CCDC32: variants seen among roughly 807,000 people sequenced by gnomAD.
CCDC32 encodes the protein coiled-coil domain containing 32.
CCDC32 carries 9 observed loss-of-function variants against 20.1 expected under a neutral mutation model. That is an observed-to-expected ratio of 0.45 (90% confidence interval 0.27 to 0.78). The LOEUF is 0.78. CCDC32 is among the 30% of genes least tolerant of loss of function. The probability of loss-of-function intolerance (pLI) is 0.16; values close to 1 mark genes in which losing one functional copy is unlikely to be tolerated. For synonymous variants in CCDC32, 63 were observed against 79.0 expected (o/e 0.80, Z 1.07); for missense variants, 204 against 215.5 (o/e 0.95, Z 0.33).
At chr15:40,546,574 C>A (rs1889628433) in intron 3 of CCDC32, among the ~76,000 whole-genome samples, 1 of 152,126 alleles carries the variant, frequency 6.6e-6, no homozygotes, top group South Asian at 2.1e-4. Context: ...CACCAGACCC[C>A]ATAGTAATTA....
intron 3 of CCDC32, among the ~76,000 whole-genome samples, chr15:40,554,623 TTTTG>T (rs757655520): frequency 6.6e-6 from 1 of 152,122 alleles, no homozygotes; most frequent in African/African-American, 2.4e-5. Context: ...TGTGTGGGGT[TTTTG>T]TTTGTTTATT....
chr15:40,535,435 T>G, downstream of CCDC32: 9 of 998,256 alleles, frequency 9.0e-6, no homozygotes, highest in Non-Finnish European at 1.1e-5. Context: ...TCATGAGCAT[T>G]CTCTCATTTG....
chr15:40,533,040 C>T (rs57070503), downstream of CCDC32, among the ~76,000 whole-genome samples: 349 of 152,122 alleles, frequency 2.3e-3, 1 homozygote, highest in African/African-American at 8.2e-3. Context: ...TTCTATTCTC[C>T]TGTTGGTGGA....
At chr15:40,553,070 T>A (rs1889973723), downstream of CCDC32, 1 of 967,908 alleles carries the variant, frequency 1.0e-6, no homozygotes, top group Non-Finnish European at 1.2e-6. Context: ...CCAGGAGCAA[T>A]CGAGTCAACA....
At chr15:40,540,480 T>C (rs28615513) in intron 3 of CCDC32, among the ~76,000 whole-genome samples, 1,736 of 151,490 alleles carry the variant, frequency 0.011, 30 homozygotes, top group African/African-American at 0.04. Context: ...CTATTCTCCT[T>C]CTTCAGCCTC....
chr15:40,521,462 G>A, the CCDC32 span, among the ~76,000 whole-genome samples: 999 of 152,122 alleles, frequency 6.6e-3, 12 homozygotes, highest in African/African-American at 0.023. Context: ...GGATATTTGG[G>A]TTATTTCCAC....
chr15:40,521,159 A>G, the CCDC32 span, among the ~76,000 whole-genome samples: 1 of 152,136 alleles, frequency 6.6e-6, no homozygotes, highest in Non-Finnish European at 1.5e-5. Flanking sequence ...CTATCAGTGG[A>G]CCAGTGCAGT....
chr15:40,523,914 C>T (rs1207514894), downstream of CCDC32, among the ~76,000 whole-genome samples: 1 of 152,132 alleles, frequency 6.6e-6, no homozygotes, highest in Non-Finnish European at 1.5e-5. Context: ...AACTAACAGA[C>T]ATAACAGTAG....
In CCDC32 at chr15:40,553,351, T is replaced by G. The variant is rs763885143; in HGVS notation, c.*620A>C. ...TATACACAGACATAAACACCCACAT[T>G]TTCACACTTCTTTTGCCCATTTGTT... is the stretch of plus-strand genomic sequence containing the variant. On this transcript the variant is annotated 3_prime_UTR_variant, in exon 4 of 4. Coordinates refer to ENST00000416810, the MANE Select transcript of CCDC32 (RefSeq NM_001080792.4). 62 of 985,134 alleles carry G rather than the reference T, an allele frequency of 6.3e-5. No homozygotes were observed. The highest frequency in any genetic ancestry group is 7.2e-5 in the Non-Finnish European group (60 of 829,930). The allele number at this position is 985,134 out of a possible 1,614,324, so 61.0% of individuals were successfully genotyped here.
intron 2 of CCDC32, chr15:40,557,906 A>G (rs1890357720): frequency 6.6e-6 from 1 of 151,704 alleles, no homozygotes; most frequent in African/African-American, 2.4e-5. Flanking sequence ...GACCTTTAAA[A>G]TCTCTATGTG....
At chr15:40,549,670 C>A (rs1034483965), downstream of CCDC32, among the ~76,000 whole-genome samples, 29 of 152,196 alleles carry the variant, frequency 1.9e-4, no homozygotes, top group African/African-American at 7.0e-4. Flanking sequence ...AGGGGCTCAA[C>A]AAATATTGGT....
At chr15:40,552,231 C>T (rs1889912830), downstream of CCDC32, among the ~76,000 whole-genome samples, 4 of 151,744 alleles carry the variant, frequency 2.6e-5, no homozygotes, top group Admixed American at 2.6e-4. Context: ...CGTGTAATCC[C>T]AGCACTTTGG....
chr15:40,528,831 C>A, intron 3 of CCDC32: 1 of 692,412 alleles, frequency 1.4e-6, no homozygotes. Context: ...AAAAGAAAAC[C>A]CCTCAACAGT....
intron 3 of CCDC32, among the ~76,000 whole-genome samples, chr15:40,547,067 G>T (rs1889651298): frequency 6.6e-6 from 1 of 151,884 alleles, no homozygotes; most frequent in African/African-American, 2.4e-5. Context: ...GAGGTAAATA[G>T]TATCTGTATC....
intron 3 of CCDC32, among the ~76,000 whole-genome samples, chr15:40,544,178 G>A (rs1317177515): frequency 6.6e-6 from 1 of 152,060 alleles, no homozygotes; most frequent in Non-Finnish European, 1.5e-5. Context: ...TGATGAGCAT[G>A]TGACCCAGGC....
downstream of CCDC32, among the ~76,000 whole-genome samples, chr15:40,526,335 T>G (rs148741480): frequency 1.8e-3 from 267 of 152,328 alleles, 1 homozygote; most frequent in Non-Finnish European, 2.9e-3. Context: ...AGGTACTGTT[T>G]TATATAACTG....
At chr15:40,557,116 C>CA in intron 3 of CCDC32, 100 bp downstream of exon 3, 2 of 1,464,798 alleles carry the variant, frequency 1.4e-6, no homozygotes, top group South Asian at 1.4e-5. Flanking sequence ...TGCCTTTTGG[C>CA]AAAAAAGTCT....
At chr15:40,563,157 G>C (rs1890772034) in intron 1 of CCDC32, 130 bp from the exon 2 acceptor site, 6 of 1,097,976 alleles carry the variant, frequency 5.5e-6, no homozygotes, top group East Asian at 2.4e-5. Flanking sequence ...GAGGCCAGCA[G>C]TTCGAGACCA....
chr15:40,535,306 T>C (rs1036601452), downstream of CCDC32: 5 of 1,267,482 alleles, frequency 3.9e-6, no homozygotes, highest in African/African-American at 3.0e-5. Context: ...TTGTAGGTGA[T>C]GAGCCATTAT....
Sources: gnomAD v4.1 joint callset for allele counts (sites outside exome capture counted in the v4.1 genomes callset) on GRCh38, gnomAD v4.1.1 for gene constraint, MANE v1.5 for transcripts, NCBI Gene and HGNC (gene_info 2026-07-23, HGNC 2026-07-21) for gene names.